The following NEGR1 variants were observed in gnomAD, a reference collection of about 807,000 sequenced individuals.
The protein encoded by NEGR1 is IgLON family member 4.
In NEGR1, 10 loss-of-function variants were observed where a neutral mutation model predicts 40.9. The ratio of observed to expected loss-of-function variants is 0.24; its 90% CI spans 0.15 to 0.42. The LOEUF is 0.42. Ranked by LOEUF, NEGR1 falls within the 10% of genes least tolerant of loss-of-function variation. NEGR1 has a pLI of 1.00. For synonymous variants in NEGR1, 185 were observed against 166.8 expected (o/e 1.11, Z -0.84); for missense variants, 352 against 438.9 (o/e 0.80, Z 1.77).
intron 6 of NEGR1, among the ~76,000 whole-genome samples, chr1:71,560,431 ATATATATATATATATATG>A (rs199651037): frequency 0.087 from 1,378 of 15,878 alleles, 75 homozygotes; most frequent in South Asian, 0.32. Flanking sequence ...ATTCTCCATT[ATATATATATATATATATG>A]TATATATATA....
chr1:71,610,956 G>C, intron 5 of NEGR1, 70 bp downstream of exon 5: 1 of 1,513,322 alleles, frequency 6.6e-7, no homozygotes, highest in South Asian at 1.2e-5. Flanking sequence ...ATTGCCTAAA[G>C]TAAGTATCTG....
chr1:71,990,422 T>C (rs958317860), intron 1 of NEGR1, among the ~76,000 whole-genome samples: 14 of 152,184 alleles, frequency 9.2e-5, no homozygotes, highest in African/African-American at 3.4e-4. Flanking sequence ...CATATTTTGG[T>C]ACCCTTTCCA....
intron 1 of NEGR1, among the ~76,000 whole-genome samples, chr1:72,237,214 C>T (rs72941279): frequency 0.04 from 6,040 of 151,990 alleles, 422 homozygotes; most frequent in African/African-American, 0.14. Context: ...TAATAATTTA[C>T]TTTCTTAAAA....
At chr1:71,518,016 AC>A in intron 6 of NEGR1, among the ~76,000 whole-genome samples, 1 of 5,156 alleles carries the variant, frequency 1.9e-4, no homozygotes, top group East Asian at 3.3e-3. Context: ...AATCCAACTT[AC>A]AAGGGACGTG....
At chr1:72,233,926 T>C (rs1272567122) in intron 1 of NEGR1, among the ~76,000 whole-genome samples, 1 of 152,150 alleles carries the variant, frequency 6.6e-6, no homozygotes, top group East Asian at 1.9e-4. Context: ...GTATAAGCTT[T>C]CCCTTTTCTC....
intron 1 of NEGR1, among the ~76,000 whole-genome samples, chr1:72,071,701 T>C (rs955605386): frequency 3.9e-5 from 6 of 152,248 alleles, no homozygotes; most frequent in African/African-American, 1.4e-4. Flanking sequence ...AAGTCTCCTA[T>C]TTCTTTTGAG....
chr1:72,024,450 AT>A (rs1445928520), intron 1 of NEGR1, among the ~76,000 whole-genome samples: 1 of 152,112 alleles, frequency 6.6e-6, no homozygotes, highest in Non-Finnish European at 1.5e-5. Flanking sequence ...ATGATGAGCT[AT>A]AAAATAAAAT....
chr1:71,527,334 T>C (rs1170278883), intron 6 of NEGR1, among the ~76,000 whole-genome samples: 1 of 151,332 alleles, frequency 6.6e-6, no homozygotes, highest in Non-Finnish European at 1.5e-5. Context: ...TCTAAAGCTC[T>C]ACCTCTATGA....
intron 1 of NEGR1, among the ~76,000 whole-genome samples, chr1:72,270,702 C>T (rs1366109297): frequency 6.6e-6 from 1 of 151,798 alleles, no homozygotes; most frequent in Non-Finnish European, 1.5e-5. Flanking sequence ...CTTTCCATTT[C>T]TCACTTATGT....
chr1:71,688,281 A>G (rs1400998969), intron 4 of NEGR1, among the ~76,000 whole-genome samples: 2 of 134,860 alleles, frequency 1.5e-5, no homozygotes, highest in Non-Finnish European at 3.1e-5. Flanking sequence ...CCCGGAAAAC[A>G]AAGGTGAACT....
At chr1:71,706,826 C>T (rs949871662) in intron 3 of NEGR1, among the ~76,000 whole-genome samples, 3 of 151,872 alleles carry the variant, frequency 2.0e-5, no homozygotes, top group Admixed American at 6.6e-5. Flanking sequence ...GAACACTGGG[C>T]CCTGAATAAC....
intron 3 of NEGR1, among the ~76,000 whole-genome samples, chr1:71,772,268 G>A (rs1177595935): frequency 6.6e-6 from 1 of 152,064 alleles, no homozygotes; most frequent in Non-Finnish European, 1.5e-5. Flanking sequence ...GCTGGGTGTG[G>A]TGGCGCACGC....
chr1:71,928,356 A>ACACACATATGTG lies in NEGR1; in HGVS notation c.409+6722_409+6723insCACATATGTGTG, dbSNP rs1557439007. 2.4e-4 allele frequency among the ~76,000 whole-genome samples: 18 copies of ACACACATATGTG among 74,926 alleles called. 3 individuals are homozygous for ACACACATATGTG. Among genetic ancestry groups the ACACACATATGTG allele is most frequent in the African/African-American group, 1.1e-3 (17 of 16,120 alleles). 49.2% of individuals were successfully genotyped at this position (74,926 alleles called of 152,430 possible). ...TGTATATATACACACATGTGTATAT[A>ACACACATATGTG]TATATACACATATGTATATATGTAT... On this transcript the variant is annotated intron_variant, in intron 2 of 6. Coordinates refer to ENST00000357731, the MANE Select transcript of NEGR1 (RefSeq NM_173808.3).
intron 6 of NEGR1, among the ~76,000 whole-genome samples, chr1:71,556,688 C>T (rs1648264295): frequency 6.6e-6 from 1 of 151,278 alleles, no homozygotes; most frequent in Non-Finnish European, 1.5e-5. Context: ...CACAAAAACT[C>T]ACTCACACTG....
chr1:72,020,616 C>T (rs1482055956), intron 1 of NEGR1, among the ~76,000 whole-genome samples: 1 of 152,054 alleles, frequency 6.6e-6, no homozygotes, highest in East Asian at 1.9e-4. Flanking sequence ...ATATGTCAGG[C>T]AAATTCTAAA....
At chr1:71,817,342 G>T (rs902782968) in intron 2 of NEGR1, among the ~76,000 whole-genome samples, 1 of 152,010 alleles carries the variant, frequency 6.6e-6, no homozygotes, top group Non-Finnish European at 1.5e-5. Flanking sequence ...CGCTGACATG[G>T]GCTAATTCTG....
At position 71,750,079 on chromosome 1, in the gene NEGR1, C is replaced by T. The variant is rs574896092; in HGVS notation, c.535+26093G>A. Among the ~76,000 whole-genome samples the T allele has an allele frequency of 1.8e-3, 266 of 151,594 alleles. 1 individual carries two copies. The highest frequency in any genetic ancestry group is 6.2e-3 in the African/African-American group (254 of 41,276). On this transcript the variant is annotated intron_variant, in intron 3 of 6. Transcript: ENST00000357731. ...CGCAATCTCGGCTCACTGCAAGCTC[C>T]GCTTCCCAGGTTCACGCCATTCTCC...
At chr1:72,271,164 T>C (rs1655831107) in intron 1 of NEGR1, among the ~76,000 whole-genome samples, 1 of 151,868 alleles carries the variant, frequency 6.6e-6, no homozygotes, top group Non-Finnish European at 1.5e-5. Context: ...TCATGATAGA[T>C]GATAAACTTT....
At chr1:72,021,694 AAGG>A (rs1646757940) in intron 1 of NEGR1, among the ~76,000 whole-genome samples, 2 of 152,230 alleles carry the variant, frequency 1.3e-5, no homozygotes, top group South Asian at 4.1e-4. Context: ...CAAAAAGTGG[AAGG>A]AGAACATTGA....
Sources: allele counts gnomAD v4.1 joint callset (sites outside exome capture counted in the v4.1 genomes callset), GRCh38; gene constraint gnomAD v4.1.1; transcripts MANE v1.5; gene names NCBI Gene and HGNC (gene_info 2026-07-23, HGNC 2026-07-21).